VWA8: variants seen among roughly 807,000 people sequenced by gnomAD.
VWA8 encodes von Willebrand factor A domain-containing protein 8.
In VWA8, 221 loss-of-function variants were observed where a neutral mutation model predicts 241.5. That is an observed-to-expected ratio of 0.91 (90% CI 0.82 to 1.02). VWA8 has a LOEUF of 1.02. Ranked by LOEUF, VWA8 falls within the 50% of genes least tolerant of loss-of-function variation. VWA8 has a pLI of 0.00. For synonymous variants in VWA8, 852 were observed against 827.1 expected (o/e 1.03, Z -0.52); for missense variants, 2,322 against 2,328.7 (o/e 1.00, Z 0.06).
chr13:41,736,494 T>C (rs1289004922), intron 21 of VWA8, among the ~76,000 whole-genome samples: 2 of 152,198 alleles, frequency 1.3e-5, no homozygotes, highest in African/African-American at 4.8e-5. Flanking sequence ...GAAATATTGC[T>C]TATAAAGGTA....
intron 20 of VWA8, among the ~76,000 whole-genome samples, chr13:41,773,057 T>C (rs1336114585): frequency 6.6e-6 from 1 of 152,192 alleles, no homozygotes; most frequent in Non-Finnish European, 1.5e-5. Flanking sequence ...CTGTGTAGAC[T>C]GCATATATCT....
intron 26 of VWA8, among the ~76,000 whole-genome samples, chr13:41,713,482 C>A (rs1283831318): frequency 6.6e-6 from 1 of 152,020 alleles, no homozygotes; most frequent in South Asian, 2.1e-4. Flanking sequence ...GCCTGAAACA[C>A]AAAATGTAAA....
At chr13:41,605,016 C>T in intron 40 of VWA8, 152 bp downstream of exon 40, 2 of 644,046 alleles carry the variant, frequency 3.1e-6, no homozygotes, top group Non-Finnish European at 5.3e-6. Context: ...AAAAAGAAAG[C>T]CATGGGATAG....
At chr13:41,749,864 G>A (rs2045641128) in intron 21 of VWA8, among the ~76,000 whole-genome samples, 1 of 148,476 alleles carries the variant, frequency 6.7e-6, no homozygotes, top group East Asian at 2.0e-4. Flanking sequence ...TCACACTCCG[G>A]GGCCTGTTGT....
intron 26 of VWA8, among the ~76,000 whole-genome samples, chr13:41,716,838 T>A (rs908050946): frequency 6.6e-6 from 1 of 152,012 alleles, no homozygotes; most frequent in Admixed American, 6.6e-5. Flanking sequence ...CCACTAACAG[T>A]AGCTGCAGAG....
At position 41,951,802 on chromosome 13, in the gene VWA8, T is replaced by A. The variant is rs570965876; in HGVS notation, c.164-1789A>T. On this transcript the variant is annotated intron_variant, in intron 1 of 44. Transcript: ENST00000379310. ...TACTACCTTCTAAGTATTTTTTGCA[T>A]TCTCAAAATAATCCTATGAGACAGA... Among the ~76,000 whole-genome samples the A allele has an allele frequency of 2.0e-5, 3 of 152,352 alleles. No individual in the cohort carries two copies. The South Asian group carries it at 6.2e-4, about 32-fold the overall frequency.
intron 39 of VWA8, among the ~76,000 whole-genome samples, chr13:41,609,473 C>T (rs1035980532): frequency 6.6e-6 from 1 of 152,040 alleles, no homozygotes; most frequent in African/African-American, 2.4e-5. Context: ...TCAAAACAAG[C>T]CAGCAGAGAA....
chr13:41,833,362 C>A lies in VWA8; in HGVS notation c.1586+9G>T. The A allele has an allele frequency of 6.2e-7, 1 of 1,600,332 alleles. No homozygotes were observed. Among genetic ancestry groups the A allele is most frequent in the Non-Finnish European group, 8.5e-7 (1 of 1,173,880 alleles). ...GTGTCTGTGTGTGATTTTTGTGACTCATACCCACCTTTGCAATACAGCAAG... is the reference window on the plus strand; with the variant it reads ...GTGTCTGTGTGTGATTTTTGTGACTAATACCCACCTTTGCAATACAGCAAG... On this transcript the variant is annotated intron_variant, in intron 13 of 44. Transcript: ENST00000379310.
At chr13:41,865,367 T>C (rs1873241147) in intron 12 of VWA8, 2 of 353,644 alleles carry the variant, frequency 5.7e-6, no homozygotes, top group Non-Finnish European at 5.5e-6. Flanking sequence ...CAATAGATTA[T>C]TGTCTACTAT....
chr13:41,738,460 A>C (rs986207835), intron 21 of VWA8, among the ~76,000 whole-genome samples: 1 of 152,204 alleles, frequency 6.6e-6, no homozygotes, highest in African/African-American at 2.4e-5. Flanking sequence ...TTTAGTTTAC[A>C]AAATCTACTT....
intron 21 of VWA8, among the ~76,000 whole-genome samples, chr13:41,758,135 A>G (rs1014618643): frequency 1.3e-5 from 2 of 151,178 alleles, no homozygotes; most frequent in African/African-American, 4.8e-5. Flanking sequence ...CTACGACGGA[A>G]GCTCATCATC....
chr13:41,925,390 T>C (rs1264456098), intron 2 of VWA8, among the ~76,000 whole-genome samples: 2 of 152,214 alleles, frequency 1.3e-5, no homozygotes, highest in East Asian at 1.9e-4. Context: ...GTGTAAATCA[T>C]ACATATCTCT....
intron 5 of VWA8, among the ~76,000 whole-genome samples, chr13:41,890,645 T>C (rs758315890): frequency 1.9e-4 from 29 of 152,224 alleles, no homozygotes; most frequent in Non-Finnish European, 2.9e-4. Context: ...GCCATTGATC[T>C]AGGAACTTGA....
intron 15 of VWA8, 23 bp downstream of exon 15, chr13:41,819,195 A>G (rs375505373): frequency 9.5e-6 from 15 of 1,584,630 alleles, no homozygotes; most frequent in Non-Finnish European, 1.3e-5. Flanking sequence ...AAGAAAATAG[A>G]CTAAGATTGG....
At chr13:41,693,207 CG>C (rs2045191776) in intron 29 of VWA8, among the ~76,000 whole-genome samples, 1 of 151,668 alleles carries the variant, frequency 6.6e-6, no homozygotes, top group African/African-American at 2.4e-5. Context: ...TTTATGAAGA[CG>C]TTTCTAAATA....
At chr13:41,907,498 T>C in intron 4 of VWA8, 88 bp downstream of exon 4, 3 of 1,139,474 alleles carry the variant, frequency 2.6e-6, no homozygotes, top group Admixed American at 1.8e-5. Context: ...CTTTTACTGT[T>C]ATATGAGCTA....
chr13:41,729,703 A>C, intron 22 of VWA8, 26 bp from the exon 23 acceptor site: 1 of 1,599,204 alleles, frequency 6.3e-7, no homozygotes, highest in Non-Finnish European at 8.5e-7. Context: ...ATTTATCATA[A>C]ACAATTAAAT....
chr13:41,785,361 G>T (rs779909889), intron 18 of VWA8, among the ~76,000 whole-genome samples: 1 of 151,992 alleles, frequency 6.6e-6, no homozygotes, highest in Non-Finnish European at 1.5e-5. Flanking sequence ...CTACCATATG[G>T]GATATATTTA....
Position 41,761,221 on chromosome 13 carries a change from A to G in VWA8, c.2350-17T>C. ...TCCTACACCCTGTAATTACACAGAA[A>G]ACATTAAACAAAAAGAGGCTATTTT... On this transcript the variant is annotated splice_polypyrimidine_tract_variant and intron_variant, in intron 20 of 44. Coordinates refer to ENST00000379310, the MANE Select transcript of VWA8 (RefSeq NM_015058.2). 4 of 1,607,774 alleles carry G rather than the reference A, an allele frequency of 2.5e-6. No individual in the cohort carries two copies. Among genetic ancestry groups the G allele is most frequent in the Non-Finnish European group, 3.4e-6 (4 of 1,176,566 alleles).
Sources: allele counts gnomAD v4.1 joint callset (sites outside exome capture counted in the v4.1 genomes callset), GRCh38; gene constraint gnomAD v4.1.1; transcripts MANE v1.5; gene names NCBI Gene and HGNC (gene_info 2026-07-23, HGNC 2026-07-21).